PTK2B: variants seen among roughly 807,000 people sequenced by gnomAD.
PTK2B encodes protein-tyrosine kinase 2-beta.
A neutral mutation model predicts 142.9 loss-of-function variants in PTK2B; 71 were observed. The observed-to-expected ratio is 0.50, with a 90% CI of 0.41 to 0.61. The LOEUF is 0.61. PTK2B is among the 20% of genes least tolerant of loss of function. PTK2B has a pLI of 0.00. For missense variants in PTK2B, 1,105 were observed against 1,320.4 expected, an observed-to-expected ratio of 0.84 and a Z score of 2.53; for synonymous variants, 519 against 503.4, an observed-to-expected ratio of 1.03 and a Z score of -0.42.
At position 27,415,672 on chromosome 8, in the gene PTK2B, C is replaced by A. The variant is rs141562642; in HGVS notation, c.205-4223C>A. Among the ~76,000 whole-genome samples, 575 of 152,198 alleles carry A rather than the reference C, an allele frequency of 3.8e-3. 5 individuals are homozygous for A. The highest frequency in any genetic ancestry group is 0.013 in the African/African-American group (528 of 41,516). On this transcript the variant is annotated intron_variant, in intron 2 of 30. Transcript: ENST00000346049. ...GGGCAAAAATCTGCAGCCTTACTAG[C>A]TTAAAGTGTCAGAGGATACAATATG... is the stretch of plus-strand genomic sequence containing the variant.
chr8:27,358,122 C>T (rs1586153790), intron 1 of PTK2B, among the ~76,000 whole-genome samples: 1 of 152,326 alleles, frequency 6.6e-6, no homozygotes. Flanking sequence ...TAGTTCTCTT[C>T]ATCCTCACTC....
At chr8:27,421,284 AT>A (rs1224645444) in intron 4 of PTK2B, among the ~76,000 whole-genome samples, 3 of 44,952 alleles carry the variant, frequency 6.7e-5, no homozygotes, top group Non-Finnish European at 1.0e-4. Context: ...TTACCTATTT[AT>A]TTATTTATTT....
intron 24 of PTK2B, among the ~76,000 whole-genome samples, chr8:27,449,700 CACA>C (rs1252289610): frequency 2.6e-5 from 4 of 152,180 alleles, no homozygotes; most frequent in African/African-American, 7.2e-5. Flanking sequence ...CCATGTGCAG[CACA>C]ACAAGAGCAA....
intron 20 of PTK2B, 94 bp downstream of exon 20, chr8:27,439,492 T>C: frequency 1.5e-6 from 2 of 1,322,204 alleles, no homozygotes; most frequent in Non-Finnish European, 2.2e-6. Context: ...GGGTCTGACC[T>C]CCACCCTCCG....
chr8:27,348,448 C>G (rs1342169488), intron 1 of PTK2B, among the ~76,000 whole-genome samples: 2 of 152,182 alleles, frequency 1.3e-5, no homozygotes, highest in African/African-American at 2.4e-5. Flanking sequence ...GGCGTGCACA[C>G]ACACCTCCTG....
In PTK2B at chr8:27,390,648, T is replaced by C. The variant is rs576256362; in HGVS notation, c.-37-6900T>C. ...AGAGCAAGCCCCTATCTCTAAAAATTAATAATAATTAAAATTAAATTTCAG... is the reference window on the plus strand; with the variant it reads ...AGAGCAAGCCCCTATCTCTAAAAATCAATAATAATTAAAATTAAATTTCAG... On this transcript the variant is annotated intron_variant, in intron 1 of 30. Transcript: ENST00000346049. Among the ~76,000 whole-genome samples the C allele has an allele frequency of 8.9e-4, 136 of 152,168 alleles. 1 individual carries two copies. The highest frequency in any genetic ancestry group is 3.0e-3 in the African/African-American group (126 of 41,524).
At chr8:27,351,048 T>G (rs1805063959) in intron 1 of PTK2B, among the ~76,000 whole-genome samples, 3 of 114,774 alleles carry the variant, frequency 2.6e-5, no homozygotes, top group African/African-American at 3.5e-5. Flanking sequence ...TATACGTGCT[T>G]GGAGCAGGCA....
chr8:27,370,938 C>T (rs906545843), intron 1 of PTK2B, among the ~76,000 whole-genome samples: 1 of 152,030 alleles, frequency 6.6e-6, no homozygotes, highest in African/African-American at 2.4e-5. Context: ...CAGAGTTGCC[C>T]AGGCTGGAGA....
rs1554498574 is a variant in PTK2B at position 27,405,070 on chromosome 8, T to TCTCTCTCTCTC, written c.204+7282_204+7283insCTCTCTCTCTC. ...TCTCTCTCTCTCTCTCTCTCTCTCTTAGCCATGTGAGGACAGAAGGAGAAG... is the reference window on the plus strand; with the variant it reads ...TCTCTCTCTCTCTCTCTCTCTCTCTTCTCTCTCTCTCAGCCATGTGAGGACAGAAGGAGAAG... On this transcript the variant is annotated intron_variant, in intron 2 of 30. Transcript: ENST00000346049. 2.7e-4 allele frequency among the ~76,000 whole-genome samples: 17 copies of TCTCTCTCTCTC among 63,048 alleles called. 1 individual carries two copies. The South Asian group carries it at 9.3e-3, about 34-fold the overall frequency. 41.4% of individuals were successfully genotyped at this position (63,048 alleles called of 152,430 possible).
At chr8:27,325,859 C>G (rs1272078471) in intron 1 of PTK2B, among the ~76,000 whole-genome samples, 178 bp downstream of exon 1, 1 of 152,198 alleles carries the variant, frequency 6.6e-6, no homozygotes, top group African/African-American at 2.4e-5. Flanking sequence ...GCCCGGAGCT[C>G]GCCAGCCTTC....
rs533707668 is a variant in PTK2B at position 27,454,102 on chromosome 8, T to C, written c.2596-52T>C. On this transcript the variant is annotated intron_variant, in intron 28 of 30. Transcript: ENST00000346049. ...TGGTGCCTGCCCAGGAAAGAATCAT[T>C]CCGTGCCCCTGGCTCTCCCCAACTC... The C allele has an allele frequency of 8.7e-6, 14 of 1,609,394 alleles. No homozygotes were observed. In the African/African-American group the frequency reaches 1.7e-4, roughly 20 times the overall value.
chr8:27,455,398 A>G (rs551492829), intron 30 of PTK2B, among the ~76,000 whole-genome samples: 20 of 152,266 alleles, frequency 1.3e-4, no homozygotes, highest in Non-Finnish European at 2.8e-4. Context: ...ACCATACAAA[A>G]ATTAGCTGGG....
chr8:27,326,223 T>A (rs1803407249), intron 1 of PTK2B, among the ~76,000 whole-genome samples: 1 of 106,354 alleles, frequency 9.4e-6, no homozygotes, highest in African/African-American at 4.1e-5. Flanking sequence ...GGAGCTCGTG[T>A]GTATGTGTGT....
At chr8:27,397,388 A>G in intron 1 of PTK2B, 160 bp from the exon 2 acceptor site, 1 of 611,410 alleles carries the variant, frequency 1.6e-6, no homozygotes, top group South Asian at 1.9e-5. Context: ...CATCTTTCCC[A>G]GTCAAGAGAG....
At chr8:27,405,291 G>A (rs571949592) in intron 2 of PTK2B, among the ~76,000 whole-genome samples, 75 of 152,248 alleles carry the variant, frequency 4.9e-4, no homozygotes, top group African/African-American at 1.5e-3. Context: ...GCAGTCTCAG[G>A]CACACAGGCC....
intron 1 of PTK2B, among the ~76,000 whole-genome samples, chr8:27,341,671 G>T (rs957357033): frequency 2.0e-5 from 3 of 151,996 alleles, no homozygotes; most frequent in Non-Finnish European, 2.9e-5. Flanking sequence ...GCTGTGGGGG[G>T]GTTTTGTGTG....
chr8:27,446,201 C>G (rs1267688696), intron 24 of PTK2B, among the ~76,000 whole-genome samples: 1 of 152,220 alleles, frequency 6.6e-6, no homozygotes, highest in Admixed American at 6.5e-5. Flanking sequence ...CTCCCCCTCT[C>G]CTGAGCCCCA....
At chr8:27,342,221 C>T in intron 1 of PTK2B, among the ~76,000 whole-genome samples, 1 of 152,068 alleles carries the variant, frequency 6.6e-6, no homozygotes, top group East Asian at 1.9e-4. Flanking sequence ...TGAGACACTT[C>T]TGTGCCTGTC....
At position 27,442,867 on chromosome 8, in the gene PTK2B, C is replaced by G; in HGVS notation, c.2040-8C>G. 6.2e-7 allele frequency: 1 copy of G among 1,610,774 alleles called. No individual in the cohort carries two copies. Among genetic ancestry groups the G allele is most frequent in the African/African-American group, 1.3e-5 (1 of 74,990 alleles). ...GTTTCTCTCCTTATCTGACGTGACT[C>G]CCTGCAGTGACGTTTATCAGATGGA... On this transcript the variant is annotated splice_region_variant and splice_polypyrimidine_tract_variant and intron_variant, in intron 21 of 30. Coordinates refer to ENST00000346049, the MANE Select transcript of PTK2B (RefSeq NM_173176.3).
Sources: gnomAD v4.1 joint callset for allele counts (sites outside exome capture counted in the v4.1 genomes callset) on GRCh38, gnomAD v4.1.1 for gene constraint, MANE v1.5 for transcripts, NCBI Gene and HGNC (gene_info 2026-07-23, HGNC 2026-07-21) for gene names.